Variants in TANC2 observed in about 807,000 individuals in gnomAD.
The protein encoded by TANC2 is tetratricopeptide repeat, ankyrin repeat and coiled-coil containing 2.
TANC2 carries 26 observed loss-of-function variants against 210.5 expected under a neutral mutation model. That is an observed-to-expected ratio of 0.12 (90% confidence interval 0.09 to 0.17). The LOEUF (loss-of-function observed/expected upper bound fraction) is 0.17, where lower values mean the gene tolerates loss of function less well. TANC2 is among the 10% of genes least tolerant of loss of function. The pLI, the probability that TANC2 is intolerant of heterozygous loss-of-function variation, is 1.00. For missense variants in TANC2, 2,129 were observed against 2,608.9 expected (o/e 0.82, Z 4.01); for synonymous variants, 931 against 967.1 (o/e 0.96, Z 0.69).
intron 11 of TANC2, among the ~76,000 whole-genome samples, chr17:63,329,716 A>G (rs1191593042): frequency 1.3e-5 from 2 of 152,146 alleles, no homozygotes; most frequent in Non-Finnish European, 2.9e-5. Context: ...AAATTTAATA[A>G]ATGTTTTATG....
chr17:63,342,071 G>T (rs931110698), intron 12 of TANC2, among the ~76,000 whole-genome samples: 4 of 152,072 alleles, frequency 2.6e-5, no homozygotes, highest in Non-Finnish European at 4.4e-5. Context: ...TCAAGGACCA[G>T]CTTAAATGCT....
At chr17:62,981,775 G>A (rs554684553) in intron 1 of TANC2, among the ~76,000 whole-genome samples, 4 of 152,216 alleles carry the variant, frequency 2.6e-5, no homozygotes, top group East Asian at 1.9e-4. Context: ...ACTCCCTCAC[G>A]TTTGATAATT....
At chr17:63,105,340 G>A (rs1200857225) in intron 4 of TANC2, among the ~76,000 whole-genome samples, 1 of 151,674 alleles carries the variant, frequency 6.6e-6, no homozygotes, top group Non-Finnish European at 1.5e-5. Context: ...TGCTAGCTAT[G>A]GCCAAAGCCA....
At chr17:63,284,617 G>A (rs2044165010) in intron 9 of TANC2, among the ~76,000 whole-genome samples, 1 of 151,892 alleles carries the variant, frequency 6.6e-6, no homozygotes, top group South Asian at 2.1e-4. Flanking sequence ...AACATGCTTT[G>A]TATGACATGA....
rs1450477360 is a variant in TANC2, at chr17:63,167,431, C to G, written c.433+16051C>G. Among the ~76,000 whole-genome samples the G allele has an allele frequency of 4.6e-5, 7 of 152,094 alleles. No homozygotes were observed. In the East Asian group the frequency reaches 1.3e-3, roughly 29 times the overall value. ...AATCTGTTCATTAATGGGTACACTA[C>G]AGTGAATGTTATTTTCTTTTGTTTT... On this transcript the variant is annotated intron_variant, in intron 5 of 27. Transcript: ENST00000689528.
chr17:62,996,299 T>C (rs1180187649), intron 1 of TANC2, among the ~76,000 whole-genome samples: 1 of 152,164 alleles, frequency 6.6e-6, no homozygotes, highest in Non-Finnish European at 1.5e-5. Flanking sequence ...CCCAGCTTAA[T>C]AGGCAGACAA....
intron 19 of TANC2, among the ~76,000 whole-genome samples, chr17:63,403,689 C>G (rs894043786): frequency 5.3e-5 from 8 of 152,248 alleles, no homozygotes; most frequent in African/African-American, 1.7e-4. Flanking sequence ...GTCAGGAGTT[C>G]CAACTAAAAT....
intron 8 of TANC2, among the ~76,000 whole-genome samples, chr17:63,265,838 C>T (rs1368636298): frequency 6.6e-6 from 1 of 151,906 alleles, no homozygotes; most frequent in Non-Finnish European, 1.5e-5. Context: ...AAATAAAAGC[C>T]ATAATTCAAG....
At position 63,418,282 on chromosome 17, in the gene TANC2, A is replaced by C. The variant is rs1451849601; in HGVS notation, c.4168-25A>C. 1 of 1,602,444 alleles carries C rather than the reference A, an allele frequency of 6.2e-7. No homozygotes were observed. The highest frequency in any genetic ancestry group is 8.5e-7 in the Non-Finnish European group (1 of 1,172,510). ...ATTTTTTATATCTCATCAATGACTC[A>C]TTTGCACACCTATTGTAATGACAGG... On this transcript the variant is annotated intron_variant, in intron 26 of 27. Transcript: ENST00000689528. The surrounding 1 kb of genome is among the most constrained non-coding windows in gnomAD (Gnocchi z 4.6).
intron 1 of TANC2, among the ~76,000 whole-genome samples, chr17:62,998,985 C>T (rs2033246695): frequency 6.6e-6 from 1 of 152,176 alleles, no homozygotes; most frequent in Non-Finnish European, 1.5e-5. Context: ...GCAGGGATTC[C>T]TATTCTAATT....
At chr17:63,068,859 G>GAT (rs1264763290) in intron 2 of TANC2, among the ~76,000 whole-genome samples, 1 of 152,098 alleles carries the variant, frequency 6.6e-6, no homozygotes, top group Non-Finnish European at 1.5e-5. Flanking sequence ...ATTGCTGGAT[G>GAT]ATATAGTATC....
At chr17:62,999,431 A>C (rs2033267843) in intron 1 of TANC2, among the ~76,000 whole-genome samples, 2 of 152,214 alleles carry the variant, frequency 1.3e-5, no homozygotes. Context: ...ACTTTAAACC[A>C]ACAATGGTCA....
intron 1 of TANC2, among the ~76,000 whole-genome samples, chr17:63,003,563 G>T (rs753580157): frequency 2.6e-5 from 4 of 152,174 alleles, no homozygotes; most frequent in African/African-American, 9.7e-5. Flanking sequence ...ATTTCATCAG[G>T]CTACTTAGAA....
At chr17:63,201,386 T>C (rs940016676) in intron 7 of TANC2, among the ~76,000 whole-genome samples, 1 of 152,178 alleles carries the variant, frequency 6.6e-6, no homozygotes, top group African/African-American at 2.4e-5. Flanking sequence ...AACCATATAT[T>C]AGTTATTTAA....
chr17:63,277,452 A>G (rs968865185), intron 9 of TANC2, among the ~76,000 whole-genome samples: 3 of 152,002 alleles, frequency 2.0e-5, no homozygotes, highest in African/African-American at 7.3e-5. Flanking sequence ...TCATCTAATC[A>G]GTATAATGCC....
At chr17:63,399,218 T>C (rs1388739650) in intron 19 of TANC2, 1 of 181,498 alleles carries the variant, frequency 5.5e-6, no homozygotes, top group African/African-American at 2.4e-5. Flanking sequence ...GAGCAGAAAA[T>C]TATTGTGGCC....
At chr17:63,219,223 G>C (rs1265793922) in intron 7 of TANC2, among the ~76,000 whole-genome samples, 1 of 152,016 alleles carries the variant, frequency 6.6e-6, no homozygotes. Context: ...TGGCAGGCAG[G>C]CCAAATCTGG....
intron 3 of TANC2, among the ~76,000 whole-genome samples, chr17:63,098,454 A>T (rs2037474578): frequency 1.3e-5 from 1 of 74,120 alleles, no homozygotes; most frequent in African/African-American, 1.3e-4. Flanking sequence ...ACACACACAC[A>T]CACACACACA....
chr17:63,105,723 T>C (rs2037798539), intron 4 of TANC2, among the ~76,000 whole-genome samples: 1 of 151,656 alleles, frequency 6.6e-6, no homozygotes, highest in Non-Finnish European at 1.5e-5. Context: ...GAAAAATTAC[T>C]GAAAAGTGAA....
Sources: gnomAD v4.1 joint callset for allele counts (sites outside exome capture counted in the v4.1 genomes callset) on GRCh38, gnomAD v4.1.1 for gene constraint, Gnocchi (gnomAD v3.1) non-coding constraint, MANE v1.5 for transcripts, NCBI Gene and HGNC (gene_info 2026-07-23, HGNC 2026-07-21) for gene names.